Variants in ERP29 observed in about 807,000 individuals in gnomAD.
ERP29 encodes the protein endoplasmic reticulum resident protein 29.
A neutral mutation model predicts 21.7 loss-of-function variants in ERP29; 14 were observed. That is an observed-to-expected ratio of 0.64 (90% CI 0.43 to 1.01). The LOEUF is 1.01. ERP29 is among the 50% of genes least tolerant of loss of function. The pLI is 0.00. For missense variants in ERP29, 286 were observed against 327.3 expected, an observed-to-expected ratio of 0.87 and a Z score of 0.97; for synonymous variants, 129 against 139.1, an observed-to-expected ratio of 0.93 and a Z score of 0.51.
At chr12:112,016,447 C>T (rs1483909795) in intron 1 of ERP29, among the ~76,000 whole-genome samples, 4 of 152,158 alleles carry the variant, frequency 2.6e-5, no homozygotes, top group African/African-American at 9.7e-5. Context: ...TAGTATGGTG[C>T]CTGGCAGGCC....
chr12:112,022,932 A>G lies in ERP29; in HGVS notation c.*280A>G, dbSNP rs2078060282. ...GAGAGGAGAGAGGAGTGTACTGCCC[A>G]GGTCTTTGACAGATGTAATTCTCAT... On this transcript the variant is annotated 3_prime_UTR_variant, in exon 3 of 3. Transcript: ENST00000261735. 2 of 367,798 alleles carry G rather than the reference A, an allele frequency of 5.4e-6. No homozygotes were observed. The highest frequency in any genetic ancestry group is 9.8e-6 in the Non-Finnish European group (2 of 203,196). 22.8% of individuals were successfully genotyped at this position (367,798 alleles called of 1,614,324 possible).
chr12:112,022,760 A>G lies in ERP29; in HGVS notation c.*108A>G. On this transcript the variant is annotated 3_prime_UTR_variant, in exon 3 of 3. Transcript: ENST00000261735. ...ATAAGGGGGTAGTGGGAAAAGTGGT[A>G]CTAACCCACGATTCTGAGCCCTGAG... is the stretch of plus-strand genomic sequence containing the variant. 8.7e-7 allele frequency: 1 copy of G among 1,146,622 alleles called. No individual in the cohort carries two copies. The highest frequency in any genetic ancestry group is 1.5e-5 in the South Asian group (1 of 66,382). 71.0% of individuals were successfully genotyped at this position (1,146,622 alleles called of 1,614,324 possible). A position where few individuals can be genotyped will look rare whatever the true frequency, so the allele number is the denominator to read the frequency against.
chr12:112,013,432 G>C lies in ERP29; in HGVS notation c.-34G>C. Reference sequence around the variant, plus strand: ...CTGACTCGGGGCGTTCTCCACTATCGCTTACCTACCTCCCTCTGCAGGAAC... The same window carrying C: ...CTGACTCGGGGCGTTCTCCACTATCCCTTACCTACCTCCCTCTGCAGGAAC... On this transcript the variant is annotated 5_prime_UTR_variant, in exon 1 of 3. Transcript: ENST00000261735. The C allele has an allele frequency of 6.3e-7, 1 of 1,589,702 alleles. No individual in the cohort carries two copies.
chr12:112,022,690 A>G lies in ERP29; in HGVS notation c.*38A>G, dbSNP rs2078058514. ...TGATTTTCCAGGGTTTGGTGGGGGT[A>G]GGGAGGGGAGAGTTAACCTGCTGGC... On this transcript the variant is annotated 3_prime_UTR_variant, in exon 3 of 3. Coordinates refer to ENST00000261735, the MANE Select transcript of ERP29 (RefSeq NM_006817.4). 6.4e-7 allele frequency: 1 copy of G among 1,559,452 alleles called. No homozygotes were observed. The highest frequency in any genetic ancestry group is 1.2e-5 in the South Asian group (1 of 82,042).
intron 1 of ERP29, chr12:112,014,508 T>C (rs927034966): frequency 6.6e-6 from 1 of 152,178 alleles, no homozygotes; most frequent in Non-Finnish European, 1.5e-5. Context: ...CATCTTGGGG[T>C]TGGCAACAAA....
intron 1 of ERP29, chr12:112,015,463 G>C (rs1230252331): frequency 2.0e-5 from 3 of 152,838 alleles, no homozygotes; most frequent in Non-Finnish European, 4.4e-5. Flanking sequence ...ACTCCAGCCT[G>C]GGCAACAAGA....
intron 2 of ERP29, among the ~76,000 whole-genome samples, chr12:112,020,129 C>A (rs2078037120): frequency 6.6e-6 from 1 of 152,064 alleles, no homozygotes; most frequent in African/African-American, 2.4e-5. Flanking sequence ...GGAAGGGAAC[C>A]CCTCTTCCTT....
chr12:112,013,602 T>A lies in ERP29; in HGVS notation c.137T>A (p.Phe46Tyr), dbSNP rs763665909. 23 of 1,588,938 alleles carry A rather than the reference T, an allele frequency of 1.4e-5. No homozygotes were observed. The South Asian group carries it at 2.6e-4, about 18-fold the overall frequency. The stretch of plus-strand genomic sequence containing the variant: ...GCCCTTCCCCTGGATACGGTCACTT[T>A]CTACAAGGTAACCGGGGCGGGGGAC... ...KGALPLDTVT[F>Y]YKVIPKSKFV... is the part of the protein sequence containing the mutation. Residue 46 changes from phenylalanine to tyrosine, a missense_variant, in exon 1 of 3, where the codon TTC (phenylalanine) becomes TAC (tyrosine). Coordinates refer to ENST00000261735, the MANE Select transcript of ERP29 (RefSeq NM_006817.4).
intron 2 of ERP29, 125 bp from the exon 3 acceptor site, chr12:112,022,025 C>T (rs528750296): frequency 1.0e-5 from 9 of 870,122 alleles, no homozygotes; most frequent in African/African-American, 5.0e-5. Context: ...TATGGTTGCT[C>T]CTCACTTTGA....
chr12:112,020,755 T>G (rs905691838), intron 2 of ERP29, among the ~76,000 whole-genome samples: 2 of 152,212 alleles, frequency 1.3e-5, no homozygotes, highest in African/African-American at 4.8e-5. Context: ...TAGTTAACAT[T>G]TATCAGATGT....
At position 112,019,916 on chromosome 12, in the gene ERP29, C is replaced by A. The variant is rs115592935; in HGVS notation, c.283+22C>A. 2.2e-3 allele frequency: 3,623 copies of A among 1,613,232 alleles called. 83 individuals are homozygous for A. The African/African-American group carries it at 0.045, about 20-fold the overall frequency. The stretch of plus-strand genomic sequence containing the variant: ...TCAGGTATGGACAAGTCCAGGACGG[C>A]TGGGGGGGCAGAGAGGGAGGAAGCT... On this transcript the variant is annotated intron_variant, in intron 2 of 2. Transcript: ENST00000261735.
rs1221840320 is a variant in ERP29, at chr12:112,022,250, C to T, written c.384C>T (p.Asn128=). 2.5e-6 allele frequency: 4 copies of T among 1,613,604 alleles called. No homozygotes were observed. Among genetic ancestry groups the T allele is most frequent in the Non-Finnish European group, 3.4e-6 (4 of 1,179,716 alleles). ...TCTTCCGGGATGGGGACTTTGAGAA[C>T]CCAGTCCCATACACTGGGGCAGTTA... The part of the protein sequence containing the change: ...FYLFRDGDFE[N]PVPYTGAVKV... Residue 128 remains asparagine, a synonymous_variant, in exon 3 of 3, where the codon AAC becomes AAT. Transcript: ENST00000261735.
intron 1 of ERP29, 163 bp from the exon 2 acceptor site, chr12:112,019,593 G>T: frequency 1.3e-6 from 1 of 795,642 alleles, no homozygotes. Context: ...TCACTAAATT[G>T]TTAAATGAGT....
intron 2 of ERP29, among the ~76,000 whole-genome samples, chr12:112,020,229 G>C (rs755773131): frequency 6.6e-6 from 1 of 152,124 alleles, no homozygotes; most frequent in Non-Finnish European, 1.5e-5. Context: ...ATGTCCCCTA[G>C]GGGACAGCAT....
rs772964573 is a variant in ERP29 at position 112,022,578 on chromosome 12, A to G, written c.712A>G (p.Lys238Glu). Residue 238 changes from lysine (K) to glutamate (E), a missense_variant, in exon 3 of 3, where the codon AAG becomes GAG. By Grantham distance (56) the Lys-to-Glu change is moderately conservative. Transcript: ENST00000261735. ...IEKNKMSDGK[K>E]EELQKSLNIL... ...GAAGAACAAGATGAGTGACGGGAAG[A>G]AGGAGGAGCTCCAGAAGAGCTTAAA... 27 of 1,614,034 alleles carry G rather than the reference A, an allele frequency of 1.7e-5. No homozygotes were observed. The highest frequency in any genetic ancestry group is 1.6e-4 in the Middle Eastern group (1 of 6,084).
intron 1 of ERP29, chr12:112,019,111 A>G (rs558071146): frequency 2.5e-5 from 4 of 159,342 alleles, no homozygotes; most frequent in Admixed American, 6.0e-5. Flanking sequence ...AATCATGCAG[A>G]ATGTACACTT....
At chr12:112,018,138 T>C (rs2078024554) in intron 1 of ERP29, among the ~76,000 whole-genome samples, 1 of 152,036 alleles carries the variant, frequency 6.6e-6, no homozygotes, top group Non-Finnish European at 1.5e-5. Context: ...GACATAATTT[T>C]TTTTTTCTTT....
intron 1 of ERP29, among the ~76,000 whole-genome samples, chr12:112,018,353 G>A (rs981778842): frequency 6.6e-6 from 1 of 151,862 alleles, no homozygotes; most frequent in Admixed American, 6.6e-5. Context: ...GCCCAGGCTG[G>A]TCTTGAACTT....
chr12:112,016,202 C>G (rs926723405), intron 1 of ERP29, among the ~76,000 whole-genome samples: 3 of 152,246 alleles, frequency 2.0e-5, no homozygotes, highest in Admixed American at 6.5e-5. Context: ...TGCACAATAA[C>G]TATTTTGTTG....
Sources: allele counts gnomAD v4.1 joint callset (sites outside exome capture counted in the v4.1 genomes callset), GRCh38; gene constraint gnomAD v4.1.1; transcripts MANE v1.5; gene names NCBI Gene and HGNC (gene_info 2026-07-23, HGNC 2026-07-21).